MYO1B: variants seen among roughly 807,000 people sequenced by gnomAD.
The protein encoded by MYO1B is unconventional myosin-Ib.
A neutral mutation model predicts 159.7 loss-of-function variants in MYO1B; 72 were observed. The ratio of observed to expected loss-of-function variants is 0.45; its 90% CI spans 0.37 to 0.55. MYO1B has a LOEUF of 0.55. Among genes scored for constraint, MYO1B ranks in the 20% least tolerant of loss-of-function variants. MYO1B has a pLI of 0.00. For missense variants in MYO1B, 1,062 were observed against 1,364.8 expected (o/e 0.78, Z 3.50); for synonymous variants, 468 against 473.8 (o/e 0.99, Z 0.16).
At position 191,386,681 on chromosome 2, in the gene MYO1B, A is replaced by C. The variant is rs1224362745; in HGVS notation, c.1555-543A>C. Among the ~76,000 whole-genome samples the C allele has an allele frequency of 2.6e-5, 4 of 152,282 alleles. No individual in the cohort carries two copies. The South Asian group carries it at 6.2e-4, about 24-fold the overall frequency. ...AAAATTGCAAACTTCAAAGGGAAAAAAACTTCTTGATTATACATTTGTAAA... is the reference window on the plus strand; with the variant it reads ...AAAATTGCAAACTTCAAAGGGAAAACAACTTCTTGATTATACATTTGTAAA... On this transcript the variant is annotated intron_variant, in intron 16 of 30. Coordinates refer to ENST00000392318, the MANE Select transcript of MYO1B (RefSeq NM_001130158.3).
At chr2:191,392,978 C>G in intron 19 of MYO1B, 95 bp from the exon 20 acceptor site, 1 of 1,104,112 alleles carries the variant, frequency 9.1e-7, no homozygotes, top group Non-Finnish European at 1.3e-6. Context: ...TAATTGACTC[C>G]AACATGATGG....
intron 1 of MYO1B, among the ~76,000 whole-genome samples, chr2:191,256,550 C>A (rs1686462761): frequency 6.6e-6 from 1 of 152,072 alleles, no homozygotes; most frequent in South Asian, 2.1e-4. Flanking sequence ...ATACGAGGGA[C>A]CCCTTTGGAA....
intron 1 of MYO1B, among the ~76,000 whole-genome samples, chr2:191,260,272 T>C (rs1333033834): frequency 6.8e-6 from 1 of 148,018 alleles, no homozygotes; most frequent in Admixed American, 6.8e-5. Context: ...TTTTTTGAAT[T>C]AAAGCTATAT....
intron 24 of MYO1B, among the ~76,000 whole-genome samples, chr2:191,405,348 C>T (rs1696855027): frequency 6.6e-6 from 1 of 152,234 alleles, no homozygotes; most frequent in South Asian, 2.1e-4. Context: ...CCCTCCAAGT[C>T]ATCCATGAGA....
chr2:191,372,982 G>A (rs1322625121), intron 13 of MYO1B, among the ~76,000 whole-genome samples: 4 of 140,210 alleles, frequency 2.9e-5, no homozygotes, highest in African/African-American at 1.1e-4. Context: ...TGCCTCCAGG[G>A]TTCAAGTGAT....
At chr2:191,356,321 A>G (rs1209447780) in intron 7 of MYO1B, among the ~76,000 whole-genome samples, 1 of 149,800 alleles carries the variant, frequency 6.7e-6, no homozygotes, top group Non-Finnish European at 1.5e-5. Context: ...TTTATAATAC[A>G]TACAAGGCTG....
intron 2 of MYO1B, among the ~76,000 whole-genome samples, chr2:191,283,046 A>G (rs1688158158): frequency 6.6e-6 from 1 of 152,240 alleles, no homozygotes; most frequent in Non-Finnish European, 1.5e-5. Flanking sequence ...GCAAATCATG[A>G]GGGTGAAGGG....
Position 191,341,319 on chromosome 2 carries a change from G to T in MYO1B, c.347-142G>T, listed in dbSNP as rs1179062872. The T allele has an allele frequency of 1.9e-5, 11 of 575,696 alleles. No individual in the cohort carries two copies. The Admixed American group carries it at 3.7e-4, about 20-fold the overall frequency. The allele number at this position is 575,696 out of a possible 1,614,324, so 35.7% of individuals were successfully genotyped here. ...TAGAAAGCACAAATATTTTAGAAAG[G>T]TATCCAAAACATTATTTACTCCTCT... On this transcript the variant is annotated intron_variant, in intron 4 of 30. Transcript: ENST00000392318.
At chr2:191,270,991 C>T (rs760041143) in intron 1 of MYO1B, among the ~76,000 whole-genome samples, 1 of 152,172 alleles carries the variant, frequency 6.6e-6, no homozygotes, top group African/African-American at 2.4e-5. Context: ...AGTTGTCAAT[C>T]GGAAATTTGC....
intron 18 of MYO1B, 137 bp from the exon 19 acceptor site, chr2:191,391,971 A>C (rs765386585): frequency 1.8e-6 from 1 of 560,394 alleles, no homozygotes; most frequent in Non-Finnish European, 3.1e-6. Flanking sequence ...TCTTTGATAA[A>C]TGGATGATTG....
At chr2:191,355,958 C>T (rs756092413) in intron 7 of MYO1B, among the ~76,000 whole-genome samples, 2 of 152,122 alleles carry the variant, frequency 1.3e-5, no homozygotes, top group Non-Finnish European at 2.9e-5. Flanking sequence ...CATGTGCTAT[C>T]TCGTGGCACA....
At chr2:191,294,074 T>C (rs1378346606) in intron 2 of MYO1B, among the ~76,000 whole-genome samples, 1 of 152,198 alleles carries the variant, frequency 6.6e-6, no homozygotes, top group Non-Finnish European at 1.5e-5. Flanking sequence ...GGCCAGACAC[T>C]GTTCTAGGTG....
intron 3 of MYO1B, among the ~76,000 whole-genome samples, chr2:191,312,953 A>G (rs1169105296): frequency 1.3e-5 from 2 of 152,334 alleles, no homozygotes; most frequent in African/African-American, 4.8e-5. Context: ...ACTTGAGTTT[A>G]TAGTCTGAGT....
intron 3 of MYO1B, among the ~76,000 whole-genome samples, chr2:191,318,857 G>A (rs1187869138): frequency 5.3e-5 from 8 of 152,190 alleles, no homozygotes; most frequent in Non-Finnish European, 1.2e-4. Context: ...AACCCTTTGT[G>A]TCAGGGCACT....
chr2:191,321,093 A>T (rs1024879283), intron 3 of MYO1B, among the ~76,000 whole-genome samples: 1 of 152,146 alleles, frequency 6.6e-6, no homozygotes, highest in African/African-American at 2.4e-5. Context: ...ACTGTTTGGG[A>T]TGTGGATATG....
chr2:191,298,182 T>C (rs1689097788), intron 3 of MYO1B, among the ~76,000 whole-genome samples: 1 of 152,248 alleles, frequency 6.6e-6, no homozygotes, highest in Non-Finnish European at 1.5e-5. Flanking sequence ...AAAGATTATT[T>C]ATTATTTAAA....
chr2:191,338,443 A>G (rs1691998758), intron 4 of MYO1B, among the ~76,000 whole-genome samples: 1 of 152,208 alleles, frequency 6.6e-6, no homozygotes, highest in African/African-American at 2.4e-5. Flanking sequence ...AGGAGATATT[A>G]TGGGTTTATA....
chr2:191,381,580 G>A lies in MYO1B; in HGVS notation c.1290+14G>A, dbSNP rs763121798. ...TATATACGGGAGGTAATGTTGAAAT[G>A]CTATTTTTAAAAGTGTTGGTCCTTT... On this transcript the variant is annotated intron_variant, in intron 14 of 30. Transcript: ENST00000392318. 8 of 1,567,948 alleles carry A rather than the reference G, an allele frequency of 5.1e-6. No individual in the cohort carries two copies. The highest frequency in any genetic ancestry group is 7.0e-6 in the Non-Finnish European group (8 of 1,141,676).
At chr2:191,313,643 C>T (rs1367823031) in intron 3 of MYO1B, among the ~76,000 whole-genome samples, 1 of 152,216 alleles carries the variant, frequency 6.6e-6, no homozygotes, top group Non-Finnish European at 1.5e-5. Context: ...CTCGGCCCCC[C>T]AAAGTGCTGG....
Sources: allele counts gnomAD v4.1 joint callset (sites outside exome capture counted in the v4.1 genomes callset), GRCh38; gene constraint gnomAD v4.1.1; transcripts MANE v1.5; gene names NCBI Gene and HGNC (gene_info 2026-07-23, HGNC 2026-07-21).